Variants in CNEP1R1 observed in about 807,000 individuals in gnomAD.
CNEP1R1 encodes the protein CTD nuclear envelope phosphatase 1 regulatory subunit 1.
CNEP1R1 carries 10 observed loss-of-function variants against 22.7 expected under a neutral mutation model. That is an observed-to-expected ratio of 0.44 (90% confidence interval 0.27 to 0.75). The LOEUF is 0.75. Among genes scored for constraint, CNEP1R1 ranks in the 30% least tolerant of loss-of-function variants. The pLI, the probability that CNEP1R1 is intolerant of heterozygous loss-of-function variation, is 0.17. For synonymous variants in CNEP1R1, 53 were observed against 50.1 expected (o/e 1.06, Z -0.25); for missense variants, 73 against 151.5 (o/e 0.48, Z 2.72).
At chr16:50,034,289 T>A (rs1232740648) in intron 5 of CNEP1R1, 133 bp downstream of exon 5, 1 of 638,492 alleles carries the variant, frequency 1.6e-6, no homozygotes, top group Non-Finnish European at 2.8e-6. Flanking sequence ...CTTAGAGCAT[T>A]GATTCTAAGG....
At chr16:50,030,803 C>A (rs1863036683) in intron 3 of CNEP1R1, among the ~76,000 whole-genome samples, 1 of 152,170 alleles carries the variant, frequency 6.6e-6, no homozygotes, top group African/African-American at 2.4e-5. Flanking sequence ...GCTTTTCTTT[C>A]CCAACATTTA....
intron 2 of CNEP1R1, among the ~76,000 whole-genome samples, chr16:50,029,484 A>G (rs912756127): frequency 6.6e-6 from 1 of 152,220 alleles, no homozygotes; most frequent in African/African-American, 2.4e-5. Context: ...TATTTCATTG[A>G]TCATCATAAG....
At chr16:50,028,215 C>T (rs539189529) in intron 2 of CNEP1R1, among the ~76,000 whole-genome samples, 1 of 152,356 alleles carries the variant, frequency 6.6e-6, no homozygotes, top group East Asian at 1.9e-4. Context: ...CCCATCCTGG[C>T]TTCCCAAAGT....
chr16:50,033,491 T>G lies in CNEP1R1; in HGVS notation c.266T>G (p.Val89Gly). ...TTCTTTGCTGGAATACACAAGAGAG[T>G]AGTTGCACCATCAATGTATCCTTTA... ...GLFFAGIHKR[V>G]VAPSIIAARC... The change falls in exon 4 of 6, where the codon GTA (valine) becomes GGA (glycine). Residue 89 changes from valine to glycine, a missense_variant. By Grantham distance (109) the Val-to-Gly change is moderately radical (BLOSUM62 -3). Coordinates refer to ENST00000427478, the MANE Select transcript of CNEP1R1 (RefSeq NM_001281789.2). 6.5e-7 allele frequency: 1 copy of G among 1,545,976 alleles called. No homozygotes were observed. Among genetic ancestry groups the G allele is most frequent in the Non-Finnish European group, 8.9e-7 (1 of 1,120,404 alleles).
At chr16:50,035,144 G>C (rs9927091) in intron 5 of CNEP1R1, among the ~76,000 whole-genome samples, 136,368 of 152,158 alleles carry the variant, frequency 0.9, 61,213 homozygotes, top group East Asian at 1. Flanking sequence ...TTGAGTCCAG[G>C]AGTTTGAGAT....
chr16:50,025,537 C>A (rs2036173005), intron 1 of CNEP1R1, 197 bp downstream of exon 1: 5 of 1,174,750 alleles, frequency 4.3e-6, no homozygotes, highest in Non-Finnish European at 6.1e-6. Context: ...TGAGTCCCCA[C>A]AAACCTAGAG....
chr16:50,027,468 AC>A (rs1206565667), intron 2 of CNEP1R1, among the ~76,000 whole-genome samples: 2 of 147,540 alleles, frequency 1.4e-5, no homozygotes, highest in African/African-American at 5.0e-5. Context: ...AGATTGCACC[AC>A]TGCACTCCAA....
intron 2 of CNEP1R1, among the ~76,000 whole-genome samples, chr16:50,029,452 G>A (rs1322759566): frequency 6.6e-6 from 1 of 152,196 alleles, no homozygotes; most frequent in Non-Finnish European, 1.5e-5. Context: ...TTCTACTGAA[G>A]TGTCACCATC....
rs2036168814 is a variant in CNEP1R1 at position 50,025,288 on chromosome 16, G to A, written c.-28G>A. The A allele has an allele frequency of 2.1e-6, 3 of 1,427,072 alleles. No individual in the cohort carries two copies. Among genetic ancestry groups the A allele is most frequent in the Non-Finnish European group, 2.7e-6 (3 of 1,095,806 alleles). 88.4% of individuals were successfully genotyped at this position (1,427,072 alleles called of 1,614,324 possible). A position where few individuals can be genotyped will look rare whatever the true frequency, so the allele number is the denominator to read the frequency against. The stretch of plus-strand genomic sequence containing the variant: ...CGGAAGCTGCGATGCGGACAGGGCA[G>A]CGGCGGTGACCCGAGCTGCCGCCCG... On this transcript the variant is annotated 5_prime_UTR_variant, in exon 1 of 6. Coordinates refer to ENST00000427478, the MANE Select transcript of CNEP1R1 (RefSeq NM_001281789.2).
chr16:50,034,351 G>C, intron 5 of CNEP1R1, 195 bp downstream of exon 5: 1 of 542,422 alleles, frequency 1.8e-6, no homozygotes, highest in Non-Finnish European at 3.3e-6. Flanking sequence ...CAGTCAATGA[G>C]ATCTGACAAA....
rs1259243591 is a variant in CNEP1R1, at chr16:50,035,807, A to C, written c.*349A>C. The C allele has an allele frequency of 1.1e-5, 2 of 188,818 alleles. No individual in the cohort carries two copies. Among genetic ancestry groups the C allele is most frequent in the Non-Finnish European group, 2.2e-5 (2 of 92,068 alleles). The allele number at this position is 188,818 out of a possible 1,614,324, so 11.7% of individuals were successfully genotyped here. On this transcript the variant is annotated 3_prime_UTR_variant, in exon 6 of 6. Transcript: ENST00000427478. ...GCAAACTACTGTAAATAGCAAATCA[A>C]TGCCAATGTTAAACAAAGAGGAAAA... is the stretch of plus-strand genomic sequence containing the variant.
At chr16:50,029,676 C>T (rs373910563) in intron 2 of CNEP1R1, 49 bp from the exon 3 acceptor site, 3 of 1,087,270 alleles carry the variant, frequency 2.8e-6, no homozygotes, top group Admixed American at 3.7e-5. Context: ...GATAGTATCA[C>T]ATATTAAGTA....
chr16:50,033,325 A>T (rs2036247230), intron 3 of CNEP1R1, 72 bp from the exon 4 acceptor site: 1 of 638,466 alleles, frequency 1.6e-6, no homozygotes. Context: ...ATATTTATGT[A>T]CAAGTGGGGA....
intron 1 of CNEP1R1, chr16:50,025,792 CT>C (rs2036177163): frequency 5.4e-6 from 6 of 1,107,612 alleles, no homozygotes; most frequent in South Asian, 2.5e-5. Flanking sequence ...TTAGACGCCC[CT>C]GTCTTCTAGA....
At chr16:50,027,192 A>C (rs2036192219) in intron 2 of CNEP1R1, among the ~76,000 whole-genome samples, 1 of 151,910 alleles carries the variant, frequency 6.6e-6, no homozygotes, top group African/African-American at 2.4e-5. Flanking sequence ...TTGCTTGAGC[A>C]TGGGAGTTTG....
chr16:50,025,236 T>C lies in CNEP1R1; in HGVS notation c.-80T>C. The C allele has an allele frequency of 7.5e-7, 1 of 1,329,692 alleles. No individual in the cohort carries two copies. The highest frequency in any genetic ancestry group is 9.7e-7 in the Non-Finnish European group (1 of 1,028,850). 82.4% of individuals were successfully genotyped at this position (1,329,692 alleles called of 1,614,324 possible). On this transcript the variant is annotated 5_prime_UTR_variant, in exon 1 of 6. Transcript: ENST00000427478. ...AGCGGGGAGCGGTTAGAGGTGGGAG[T>C]TGGCGCTGCGGGCCGGGCGGGGGCC...
At position 50,026,401 on chromosome 16, in the gene CNEP1R1, A is replaced by T; in HGVS notation, c.31A>T (p.Lys11Ter). 1 of 1,607,302 alleles carries T rather than the reference A, an allele frequency of 6.2e-7. No individual in the cohort carries two copies. Among genetic ancestry groups the T allele is most frequent in the Non-Finnish European group, 8.5e-7 (1 of 1,176,254 alleles). ...ATTGACATCTTTATACCTAGATCTCAAGGCTTTTGAGAGGAGACTTACTGA... is the reference window on the plus strand; with the variant it reads ...ATTGACATCTTTATACCTAGATCTCTAGGCTTTTGAGAGGAGACTTACTGA... MNSLEQAEDL[K>*]AFERRLTEYI... Residue 11 changes from lysine to a stop codon, truncating the protein, a stop_gained, in exon 2 of 6, where the codon AAG becomes TAG. Coordinates refer to ENST00000427478, the MANE Select transcript of CNEP1R1 (RefSeq NM_001281789.2). LOFTEE classifies it high-confidence loss of function.
chr16:50,035,455 A>G lies in CNEP1R1; in HGVS notation c.375A>G (p.Gln125=), dbSNP rs1198860729. 3.7e-5 allele frequency: 58 copies of G among 1,580,876 alleles called. No individual in the cohort carries two copies. Among genetic ancestry groups the G allele is most frequent in the East Asian group, 1.4e-4 (6 of 44,384 alleles). ...KLILKPRPHV[Q] ...TTTTGAAACCTAGGCCTCATGTTCA[A>G]TGACAATCTTCACTCATTGTTATGG... Residue 125 remains glutamine (Q), a synonymous_variant, in exon 6 of 6, where the codon CAA becomes CAG. Coordinates refer to ENST00000427478, the MANE Select transcript of CNEP1R1 (RefSeq NM_001281789.2).
chr16:50,025,506 G>A, intron 1 of CNEP1R1, 166 bp downstream of exon 1: 2 of 1,074,774 alleles, frequency 1.9e-6, no homozygotes, highest in Non-Finnish European at 2.7e-6. Flanking sequence ...GCCAGACGCG[G>A]GGGGCGGTGC....
Sources: gnomAD v4.1 joint callset for allele counts (sites outside exome capture counted in the v4.1 genomes callset) on GRCh38, gnomAD v4.1.1 for gene constraint, MANE v1.5 for transcripts, NCBI Gene and HGNC (gene_info 2026-07-23, HGNC 2026-07-21) for gene names.